The following CCDC149 variants were observed in gnomAD, a reference collection of about 807,000 sequenced individuals.
CCDC149 encodes the protein coiled-coil domain containing 149, also known as coiled-coil domain-containing protein 149.
A neutral mutation model predicts 59.9 loss-of-function variants in CCDC149; 45 were observed. The observed-to-expected ratio is 0.75, with a 90% CI of 0.59 to 0.96. The LOEUF is 0.96. Ranked by LOEUF, CCDC149 falls within the 40% of genes least tolerant of loss-of-function variation. CCDC149 has a pLI of 0.00. For missense variants in CCDC149, 584 were observed against 664.7 expected (o/e 0.88, Z 1.33); for synonymous variants, 245 against 260.6 (o/e 0.94, Z 0.58).
intron 4 of CCDC149, among the ~76,000 whole-genome samples, chr4:24,848,245 C>T (rs1219149550): frequency 6.6e-6 from 1 of 151,988 alleles, no homozygotes; most frequent in African/African-American, 2.4e-5. Context: ...CACAGTATTG[C>T]AGTGCTTGTG....
chr4:24,927,877 C>T (rs528304162), intron 1 of CCDC149, among the ~76,000 whole-genome samples: 3 of 152,110 alleles, frequency 2.0e-5, no homozygotes, highest in South Asian at 4.2e-4. Context: ...AAAAACTCAG[C>T]GTACCTATAC....
At chr4:24,891,157 G>A (rs777027907) in intron 1 of CCDC149, among the ~76,000 whole-genome samples, 1 of 152,216 alleles carries the variant, frequency 6.6e-6, no homozygotes, top group Non-Finnish European at 1.5e-5. Flanking sequence ...TGATTAGTGA[G>A]AAACTATCCT....
In CCDC149 at chr4:24,807,597, C is replaced by T. The variant is rs889921148; in HGVS notation, c.*792G>A. Reference sequence around the variant, plus strand: ...GAGAATGAGCATTTCCAGGTGGTAGCTCTCATCTCATCTCACAAAAAAAAC... The same window carrying T: ...GAGAATGAGCATTTCCAGGTGGTAGTTCTCATCTCATCTCACAAAAAAAAC... On this transcript the variant is annotated 3_prime_UTR_variant, in exon 13 of 13. Coordinates refer to ENST00000635206, the MANE Select transcript of CCDC149 (RefSeq NM_001330643.2). The T allele has an allele frequency of 6.6e-6, 1 of 151,852 alleles. No individual in the cohort carries two copies. Among genetic ancestry groups the T allele is most frequent in the East Asian group, 1.9e-4 (1 of 5,180 alleles). The allele number at this position is 151,852 out of a possible 1,614,324, so 9.4% of individuals were successfully genotyped here.
chr4:24,875,179 A>C (rs910000048), intron 2 of CCDC149, among the ~76,000 whole-genome samples: 2 of 151,942 alleles, frequency 1.3e-5, no homozygotes, highest in African/African-American at 4.8e-5. Context: ...AAATACAAAA[A>C]ATTAGCCGAG....
intron 1 of CCDC149, among the ~76,000 whole-genome samples, chr4:24,932,413 G>A (rs1461456672): frequency 6.6e-6 from 1 of 152,060 alleles, no homozygotes; most frequent in East Asian, 1.9e-4. Context: ...GGGGACTTTG[G>A]GAACACCTAG....
intron 12 of CCDC149, among the ~76,000 whole-genome samples, chr4:24,819,590 G>A (rs1322820929): frequency 6.6e-6 from 1 of 152,182 alleles, no homozygotes; most frequent in Non-Finnish European, 1.5e-5. Context: ...CAAAGTGCTA[G>A]GATTACAGGT....
chr4:24,957,136 G>C (rs1723488475), intron 1 of CCDC149, among the ~76,000 whole-genome samples: 1 of 152,194 alleles, frequency 6.6e-6, no homozygotes, highest in Admixed American at 6.5e-5. Flanking sequence ...CTGGGCTCTG[G>C]TAGAAACTAT....
chr4:24,944,115 G>A lies in CCDC149; in HGVS notation c.-65+35954C>T, dbSNP rs1303366409. On this transcript the variant is annotated intron_variant, in intron 1 of 12. Transcript: ENST00000389609. ...CACATGCACACGTATGTTTATTGCG[G>A]CACTATTCACAATAACAAAGACTTG... Among the ~76,000 whole-genome samples the A allele has an allele frequency of 3.3e-5, 5 of 152,240 alleles. No individual in the cohort carries two copies. The East Asian group carries it at 9.6e-4, about 29-fold the overall frequency.
intron 1 of CCDC149, among the ~76,000 whole-genome samples, chr4:24,889,922 C>T (rs952609608): frequency 6.6e-6 from 1 of 152,188 alleles, no homozygotes; most frequent in Admixed American, 6.5e-5. Flanking sequence ...GACCTGTTCC[C>T]GAACCCTGGG....
chr4:24,862,568 C>T (rs1718449489), intron 3 of CCDC149, among the ~76,000 whole-genome samples: 1 of 152,200 alleles, frequency 6.6e-6, no homozygotes, highest in Admixed American at 6.5e-5. Context: ...GTGTGAAAGC[C>T]TCACAATAAA....
intron 4 of CCDC149, among the ~76,000 whole-genome samples, chr4:24,842,912 T>TA (rs779748079): frequency 3.3e-5 from 5 of 152,220 alleles, no homozygotes; most frequent in Non-Finnish European, 7.3e-5. Flanking sequence ...CAGGAGCAGC[T>TA]ATTTTCCGGG....
intron 3 of CCDC149, among the ~76,000 whole-genome samples, chr4:24,867,114 C>T (rs183194676): frequency 6.6e-6 from 1 of 152,312 alleles, no homozygotes. Flanking sequence ...CATTAACCTG[C>T]TATGTGTCCT....
At chr4:24,865,560 A>C (rs1180903342) in intron 3 of CCDC149, among the ~76,000 whole-genome samples, 1 of 152,216 alleles carries the variant, frequency 6.6e-6, no homozygotes, top group Non-Finnish European at 1.5e-5. Flanking sequence ...TTATTCGTAC[A>C]TATTTTTTGG....
chr4:24,917,420 G>A (rs1207951365), upstream of CCDC149, among the ~76,000 whole-genome samples: 1 of 152,236 alleles, frequency 6.6e-6, no homozygotes, highest in Admixed American at 6.5e-5. Context: ...ATCCTAAGGG[G>A]GCACAGGCTT....
intron 1 of CCDC149, among the ~76,000 whole-genome samples, chr4:24,926,749 G>A (rs55991520): frequency 0.55 from 83,303 of 152,090 alleles, 25,479 homozygotes; most frequent in Non-Finnish European, 0.68. Flanking sequence ...GGTCTCAGCT[G>A]GAAACGCTTG....
rs566015432 is a variant in CCDC149 at position 24,894,979 on chromosome 4, G to A, written c.63+17838C>T. 1.3e-5 allele frequency: 20 copies of A among 1,536,112 alleles called. No individual in the cohort carries two copies. In the East Asian group the frequency reaches 4.9e-4, roughly 38 times the overall value. ...TAGGCTTAAAGTCCCATGCAGGCAT[G>A]GTTTGTCAATACCTCAGAATCCCAA... On this transcript the variant is annotated intron_variant, in intron 1 of 12. Transcript: ENST00000635206.
chr4:24,867,304 G>C (rs1272973238), intron 3 of CCDC149, among the ~76,000 whole-genome samples: 1 of 152,176 alleles, frequency 6.6e-6, no homozygotes, highest in Non-Finnish European at 1.5e-5. Context: ...GACACAGTTT[G>C]CCCAGTCAGC....
intron 3 of CCDC149, among the ~76,000 whole-genome samples, chr4:24,865,098 A>G (rs1164547704): frequency 6.6e-6 from 1 of 152,208 alleles, no homozygotes; most frequent in African/African-American, 2.4e-5. Flanking sequence ...AGACATATAA[A>G]TCAGAACTGG....
intron 1 of CCDC149, among the ~76,000 whole-genome samples, chr4:24,887,837 G>C (rs1005565348): frequency 6.6e-6 from 1 of 151,896 alleles, no homozygotes; most frequent in Admixed American, 6.6e-5. Flanking sequence ...ATGTTAAGGA[G>C]ATTTGCAAAC....
Sources: allele counts gnomAD v4.1 joint callset (sites outside exome capture counted in the v4.1 genomes callset), GRCh38; gene constraint gnomAD v4.1.1; transcripts MANE v1.5; gene names NCBI Gene and HGNC (gene_info 2026-07-23, HGNC 2026-07-21).